WDR49: variants seen among roughly 807,000 people sequenced by gnomAD.
The protein encoded by WDR49 is cilia- and flagella-associated protein 337.
WDR49 carries 107 observed loss-of-function variants against 119.5 expected under a neutral mutation model. The ratio of observed to expected loss-of-function variants is 0.90; its 90% CI spans 0.77 to 1.05. The LOEUF (loss-of-function observed/expected upper bound fraction) is 1.05, where lower values mean the gene tolerates loss of function less well. WDR49 is among the 50% of genes least tolerant of loss of function. The pLI is 0.00. For synonymous variants in WDR49, 425 were observed against 418.8 expected, an observed-to-expected ratio of 1.01 and a Z score of -0.18; for missense variants, 1,240 against 1,220.5, an observed-to-expected ratio of 1.02 and a Z score of -0.24.
chr3:167,508,843 A>G (rs1485041493), intron 16 of WDR49, among the ~76,000 whole-genome samples: 1 of 152,188 alleles, frequency 6.6e-6, no homozygotes, highest in Non-Finnish European at 1.5e-5. Flanking sequence ...GCCTAATTTA[A>G]AATGGGATTT....
At chr3:167,530,195 AATTTTATATGAAAATTATACAG>A (rs1190991542) in intron 13 of WDR49, among the ~76,000 whole-genome samples, 6 of 152,096 alleles carry the variant, frequency 3.9e-5, no homozygotes, top group African/African-American at 1.4e-4. Flanking sequence ...AATGATTAAA[AATTTTATATGAAAATTATACAG>A]ATTTTCATCT....
At chr3:167,510,155 C>A (rs1019190347) in intron 16 of WDR49, among the ~76,000 whole-genome samples, 1 of 152,056 alleles carries the variant, frequency 6.6e-6, no homozygotes, top group Non-Finnish European at 1.5e-5. Context: ...GAGGCCGAGG[C>A]GGGCAGATCA....
intron 7 of WDR49, among the ~76,000 whole-genome samples, chr3:167,596,661 A>G (rs1160156747): frequency 1.5e-5 from 2 of 137,816 alleles, no homozygotes; most frequent in Non-Finnish European, 3.1e-5. Flanking sequence ...ATAGGTGGGA[A>G]TTGAACAATG....
Position 167,537,005 on chromosome 3 carries a change from CA to C in WDR49, c.1824-6del, listed in dbSNP as rs1343692222. ...GGTCGAAACACAGTAATAGCCCTAG[CA>C]AAAAGGATATAGAATTTAGCTGTGG... On this transcript the variant is annotated splice_region_variant and splice_polypyrimidine_tract_variant and intron_variant, in intron 10 of 18. Coordinates refer to ENST00000682715, the MANE Select transcript of WDR49 (RefSeq NM_001366157.1). 1.9e-6 allele frequency: 3 copies of C among 1,565,040 alleles called. No homozygotes were observed. Among genetic ancestry groups the C allele is most frequent in the African/African-American group, 1.4e-5 (1 of 72,196 alleles).
chr3:167,529,315 T>A, intron 13 of WDR49, 76 bp from the exon 14 acceptor site: 3 of 1,354,348 alleles, frequency 2.2e-6, no homozygotes, highest in Non-Finnish European at 3.0e-6. Flanking sequence ...TGGCTTTCCC[T>A]GTGGAAAGCA....
intron 9 of WDR49, among the ~76,000 whole-genome samples, chr3:167,557,752 C>CAAAA (rs547560541): frequency 0.019 from 1,981 of 105,972 alleles, 58 homozygotes; most frequent in African/African-American, 0.062. Flanking sequence ...GACTCCGTCT[C>CAAAA]AAAAAAAAAA....
chr3:167,510,090 A>G (rs1375676239), intron 16 of WDR49, among the ~76,000 whole-genome samples: 1 of 152,212 alleles, frequency 6.6e-6, no homozygotes, highest in African/African-American at 2.4e-5. Flanking sequence ...CGTAATAAAA[A>G]TGTAGTATTT....
At chr3:167,623,314 G>T (rs1425341918) in intron 3 of WDR49, among the ~76,000 whole-genome samples, 1 of 151,990 alleles carries the variant, frequency 6.6e-6, no homozygotes, top group Non-Finnish European at 1.5e-5. Flanking sequence ...AGAGAATTTA[G>T]CAACATACAA....
At chr3:167,582,918 G>A (rs1387204059) in intron 7 of WDR49, among the ~76,000 whole-genome samples, 1 of 151,552 alleles carries the variant, frequency 6.6e-6, no homozygotes, top group East Asian at 1.9e-4. Context: ...ACTCCAGCCT[G>A]GGCAATAGAG....
intron 18 of WDR49, among the ~76,000 whole-genome samples, chr3:167,489,230 CA>C (rs1225036495): frequency 6.6e-6 from 1 of 152,148 alleles, no homozygotes; most frequent in African/African-American, 2.4e-5. Flanking sequence ...AAAAGGGACT[CA>C]AAATGTATAT....
At chr3:167,654,333 T>C (rs557871500), upstream of WDR49, among the ~76,000 whole-genome samples, 3 of 152,208 alleles carry the variant, frequency 2.0e-5, no homozygotes, top group Middle Eastern at 3.4e-3. Flanking sequence ...GTATATAAAA[T>C]AGAGATGGTT....
At chr3:167,519,916 T>C (rs948572486) in intron 16 of WDR49, among the ~76,000 whole-genome samples, 1 of 152,146 alleles carries the variant, frequency 6.6e-6, no homozygotes, top group Non-Finnish European at 1.5e-5. Context: ...AGCCAATGTT[T>C]GAATCTAGGA....
Position 167,576,037 on chromosome 3 carries a change from G to A in WDR49, c.1390C>T (p.Leu464Phe), listed in dbSNP as rs1175006917. Residue 464 changes from leucine to phenylalanine, a missense_variant, in exon 8 of 19, where the codon CTT becomes TTT. Transcript: ENST00000682715. Reference sequence around the variant, plus strand: ...AGCTGGTTATTAAACGAGATGAAAAGTCGTCCATGGGCTTCATCAAAGTGG... The same window carrying A: ...AGCTGGTTATTAAACGAGATGAAAAATCGTCCATGGGCTTCATCAAAGTGG... ...LFHFDEAHGR[L>F]FISFNNQLAL... is the part of the protein sequence containing the mutation. 2 of 1,614,114 alleles carry A rather than the reference G, an allele frequency of 1.2e-6. No individual in the cohort carries two copies. The highest frequency in any genetic ancestry group is 4.5e-5 in the East Asian group (2 of 44,866).
At chr3:167,576,208 G>A (rs1714244894) in intron 7 of WDR49, 57 bp from the exon 8 acceptor site, 7 of 1,508,600 alleles carry the variant, frequency 4.6e-6, no homozygotes, top group Non-Finnish European at 6.3e-6. Flanking sequence ...TAATCTTTTA[G>A]CCAATTTTTT....
At chr3:167,568,055 C>T (rs1386412256) in intron 8 of WDR49, among the ~76,000 whole-genome samples, 1 of 152,182 alleles carries the variant, frequency 6.6e-6, no homozygotes, top group East Asian at 1.9e-4. Flanking sequence ...CCCTTCCTGC[C>T]TTAAATCCTG....
At position 167,528,008 on chromosome 3, in the gene WDR49, G is replaced by A; in HGVS notation, c.2416C>T (p.Leu806Phe). ...LKIWNIEEYC[L>F]NSSKNKITKA... The stretch of plus-strand genomic sequence containing the variant: ...GTGATTTTGTTCTTACTGGAGTTAA[G>A]ACAGTACTCCTGAATGAAAAGAAAT... The change falls in exon 15 of 19, where the codon CTT (leucine) becomes TTT (phenylalanine). Residue 806 changes from leucine (L) to phenylalanine (F), a missense_variant. Transcript: ENST00000682715. 6.2e-7 allele frequency: 1 copy of A among 1,612,102 alleles called. No individual in the cohort carries two copies. The highest frequency in any genetic ancestry group is 1.1e-5 in the South Asian group (1 of 90,966).
At chr3:167,654,976 T>C (rs1281660566), upstream of WDR49, among the ~76,000 whole-genome samples, 1 of 151,654 alleles carries the variant, frequency 6.6e-6, no homozygotes, top group African/African-American at 2.4e-5. Flanking sequence ...ACAGAATGGC[T>C]CCCAAACTTC....
chr3:167,487,813 A>G (rs933141824), intron 18 of WDR49, among the ~76,000 whole-genome samples: 6 of 152,144 alleles, frequency 3.9e-5, no homozygotes, highest in African/African-American at 1.4e-4. Context: ...AAGCAAATCA[A>G]AACCACAATA....
At chr3:167,541,357 C>A (rs1314748187) in intron 10 of WDR49, among the ~76,000 whole-genome samples, 21 of 152,162 alleles carry the variant, frequency 1.4e-4, no homozygotes, top group Non-Finnish European at 2.9e-5. Context: ...GATTTCTCAG[C>A]AGAAACCCTA....
Sources: gnomAD v4.1 joint callset for allele counts (sites outside exome capture counted in the v4.1 genomes callset) on GRCh38, gnomAD v4.1.1 for gene constraint, MANE v1.5 for transcripts, NCBI Gene and HGNC (gene_info 2026-07-23, HGNC 2026-07-21) for gene names.